MSL1: variants seen among roughly 807,000 people sequenced by gnomAD.
MSL1 encodes the protein male-specific lethal 1 homolog.
In MSL1, 21 loss-of-function variants were observed where a neutral mutation model predicts 64.6. That is an observed-to-expected ratio of 0.33 (90% CI 0.23 to 0.47). MSL1 has a LOEUF of 0.47. Among genes scored for constraint, MSL1 ranks in the 20% least tolerant of loss-of-function variants. The pLI, the probability that MSL1 is intolerant of heterozygous loss-of-function variation, is 1.00. For synonymous variants in MSL1, 339 were observed against 329.6 expected (o/e 1.03, Z -0.31); for missense variants, 664 against 793.2 (o/e 0.84, Z 1.96).
chr17:40,133,935 C>G (rs759307442), intron 8 of MSL1, 36 bp downstream of exon 8: 7 of 1,552,524 alleles, frequency 4.5e-6, no homozygotes, highest in Non-Finnish European at 5.3e-6. Flanking sequence ...TTCCAGGTAA[C>G]CTGCACATCC....
intron 1 of MSL1, among the ~76,000 whole-genome samples, chr17:40,125,506 T>C (rs573880138): frequency 2.0e-5 from 3 of 152,298 alleles, no homozygotes; most frequent in African/African-American, 7.2e-5. Context: ...TTGGACAATC[T>C]CAGGGCCTCT....
intron 8 of MSL1, 35 bp downstream of exon 8, chr17:40,133,934 A>G: frequency 6.4e-7 from 1 of 1,562,016 alleles, no homozygotes. Flanking sequence ...CTTCCAGGTA[A>G]CCTGCACATC....
rs565575232 is a variant in MSL1, at chr17:40,135,203, G to A, written c.*834G>A. On this transcript the variant is annotated 3_prime_UTR_variant, in exon 9 of 9. Transcript: ENST00000398532. The stretch of plus-strand genomic sequence containing the variant: ...TCCTTCATTGGGCTTCATCCTTTTA[G>A]CAGAACTCTTGGTGGTGGGATAGAG... 1.3e-5 allele frequency: 2 copies of A among 152,320 alleles called. No homozygotes were observed. Among genetic ancestry groups the A allele is most frequent in the South Asian group, 4.2e-4 (2 of 4,804 alleles). The allele number at this position is 152,320 out of a possible 1,614,324, so 9.4% of individuals were successfully genotyped here.
At position 40,133,884 on chromosome 17, in the gene MSL1, C is replaced by G; in HGVS notation, c.1739C>G (p.Pro580Arg). 1 of 1,613,662 alleles carries G rather than the reference C, an allele frequency of 6.2e-7. No individual in the cohort carries two copies. Among genetic ancestry groups the G allele is most frequent in the Non-Finnish European group, 8.5e-7 (1 of 1,179,640 alleles). ...LPVVAFGRPLPKLTPQNFELP... is the reference protein window; with the variant it reads ...LPVVAFGRPLRKLTPQNFELP... ...GTTGTAGCATTTGGACGACCATTAC[C>G]AAAATTAACTCCACAGTAAGTATAC... The change falls in exon 8 of 9, where the codon CCA becomes CGA. Residue 580 changes from proline (P) to arginine (R), a missense_variant. By Grantham distance (103) the Pro-to-Arg change is moderately radical. Around this residue, in one of 4 missense-constraint regions of MSL1, gnomAD observed 76 missense variants for 98.5 expected, o/e 0.77. Transcript: ENST00000398532.
At position 40,122,048 on chromosome 17, in the gene MSL1, C is replaced by G. The variant is rs1988179994; in HGVS notation, c.-565C>G. ...GTTTTTTTAAAGGGAAACGCTGAGG[C>G]GCCGGGGGTGACTGTGGGGGAGGGG... On this transcript the variant is annotated 5_prime_UTR_variant, in exon 1 of 9. Coordinates refer to ENST00000398532, the MANE Select transcript of MSL1 (RefSeq NM_001365919.1). The surrounding 1 kb of genome is among the most constrained non-coding windows in gnomAD (Gnocchi z 4.2). Among the ~76,000 whole-genome samples the G allele has an allele frequency of 6.6e-6, 1 of 151,422 alleles. No homozygotes were observed. The highest frequency in any genetic ancestry group is 2.4e-5 in the African/African-American group (1 of 41,198).
Position 40,123,072 on chromosome 17 carries a change from G to A in MSL1, c.460G>A (p.Gly154Arg), listed in dbSNP as rs549241266. 3 of 1,531,206 alleles carry A rather than the reference G, an allele frequency of 2.0e-6. No individual in the cohort carries two copies. Among genetic ancestry groups the A allele is most frequent in the Middle Eastern group, 1.8e-4 (1 of 5,664 alleles). 94.9% of individuals were successfully genotyped at this position (1,531,206 alleles called of 1,614,324 possible). ...GGCCAAAGAGCCTACGCCCTGGGCT[G>A]GGGACAAGGGTGGGGCGGCCTCCCC... The part of the protein sequence containing the change: ...AAAKEPTPWA[G>R]DKGGAASPAA... Residue 154 changes from glycine (G) to arginine (R), a missense_variant, in exon 1 of 9, where the codon GGG (glycine) becomes AGG (arginine). Physicochemically the swap from Gly to Arg is moderately radical, Grantham distance 125 (BLOSUM62 -2). Coordinates refer to ENST00000398532, the MANE Select transcript of MSL1 (RefSeq NM_001365919.1).
intron 8 of MSL1, 60 bp downstream of exon 8, chr17:40,133,959 T>C (rs1474577044): frequency 2.0e-6 from 3 of 1,465,904 alleles, no homozygotes; most frequent in Admixed American, 3.4e-5. Context: ...TCAGACTTCA[T>C]GGAAGCCTAG....
At position 40,133,630 on chromosome 17, in the gene MSL1, T is replaced by C; in HGVS notation, c.1653T>C (p.Val551=). 6.2e-7 allele frequency: 1 copy of C among 1,613,786 alleles called. No individual in the cohort carries two copies. Among genetic ancestry groups the C allele is most frequent in the Non-Finnish European group, 8.5e-7 (1 of 1,179,790 alleles). ...GAATTCAGGAATCTGAGCCTGAGGTTACCTCATTTTTCCCTGAGCCAGATG... is the reference window on the plus strand; with the variant it reads ...GAATTCAGGAATCTGAGCCTGAGGTCACCTCATTTTTCCCTGAGCCAGATG... ...KKGIQESEPE[V]TSFFPEPDDV... The change falls in exon 7 of 9, where the codon GTT becomes GTC. Residue 551 remains valine (V), a synonymous_variant. Coordinates refer to ENST00000398532, the MANE Select transcript of MSL1 (RefSeq NM_001365919.1).
Position 40,129,172 on chromosome 17 carries a change from T to C in MSL1, c.993-73T>C. The C allele has an allele frequency of 2.3e-6, 3 of 1,284,548 alleles. No homozygotes were observed. In the South Asian group the frequency reaches 4.6e-5, roughly 20 times the overall value. 79.6% of individuals were successfully genotyped at this position (1,284,548 alleles called of 1,614,324 possible). Reference sequence around the variant, plus strand: ...CAAAAGAACCAGCTTATTCTTTTGCTCCAGAATGTGTTCAAATTAGATTTT... The same window carrying C: ...CAAAAGAACCAGCTTATTCTTTTGCCCCAGAATGTGTTCAAATTAGATTTT... On this transcript the variant is annotated intron_variant, in intron 2 of 8. Coordinates refer to ENST00000398532, the MANE Select transcript of MSL1 (RefSeq NM_001365919.1).
chr17:40,126,797 A>C, intron 2 of MSL1: 2 of 162,040 alleles, frequency 1.2e-5, no homozygotes, highest in Admixed American at 1.2e-4. Flanking sequence ...ACAGAGCGAG[A>C]CTCCGTCAAA....
In MSL1 at chr17:40,131,411, A is replaced by G. The variant is rs1308264465; in HGVS notation, c.1376-126A>G. 1.0e-5 allele frequency: 8 copies of G among 790,086 alleles called. No individual in the cohort carries two copies. Among genetic ancestry groups the G allele is most frequent in the Admixed American group, 2.3e-5 (1 of 42,944 alleles). The allele number at this position is 790,086 out of a possible 1,614,324, so 48.9% of individuals were successfully genotyped here. On this transcript the variant is annotated intron_variant, in intron 3 of 8. Transcript: ENST00000398532. The surrounding 1 kb of genome is among the most constrained non-coding windows in gnomAD (Gnocchi z 4.5). ...CCCCTCCCCCAGAGAGAAATTCTCA[A>G]AAGAACAACTCAAAAAACAAAATGG... is the stretch of plus-strand genomic sequence containing the variant.
rs968272273 is a variant in MSL1, at chr17:40,122,980, C to G, written c.368C>G (p.Ala123Gly). 38 of 1,527,686 alleles carry G rather than the reference C, an allele frequency of 2.5e-5. No homozygotes were observed. Among genetic ancestry groups the G allele is most frequent in the Non-Finnish European group, 2.9e-5 (33 of 1,144,022 alleles). The allele number at this position is 1,527,686 out of a possible 1,614,324, so 94.6% of individuals were successfully genotyped here. The change falls in exon 1 of 9, where the codon GCC (alanine) becomes GGC (glycine). Residue 123 changes from alanine to glycine, a missense_variant. By Grantham distance (60) the Ala-to-Gly change is moderately conservative (BLOSUM62 0). Around this residue, in one of 4 missense-constraint regions of MSL1, gnomAD observed 466 missense variants for 499.0 expected, o/e 0.93. Coordinates refer to ENST00000398532, the MANE Select transcript of MSL1 (RefSeq NM_001365919.1). This position sits in a 1 kb window ranked among gnomAD's most constrained non-coding sequence, Gnocchi z 4.2. The stretch of plus-strand genomic sequence containing the variant: ...GGGGGGGAGCCTGCCGCAGCCGGAG[C>G]CGGCTGCAGCCCCCGGCCCAAGTAT... Reference protein sequence around the residue: ...GIGGEPAAAGAGCSPRPKYQA... With the variant: ...GIGGEPAAAGGGCSPRPKYQA...
intron 5 of MSL1, 40 bp from the exon 6 acceptor site, chr17:40,133,002 A>G: frequency 1.3e-6 from 2 of 1,568,344 alleles, no homozygotes; most frequent in South Asian, 2.3e-5. Flanking sequence ...TAACTAATAT[A>G]TGGTGATAAA....
At position 40,122,531 on chromosome 17, in the gene MSL1, C is replaced by G. The variant is rs892853453; in HGVS notation, c.-82C>G. ...GCGAGCCCGCCAAACTCCCCTCCCCCCCCTCAGTCCTCGACCCCCCGCACC... is the reference window on the plus strand; with the variant it reads ...GCGAGCCCGCCAAACTCCCCTCCCCGCCCTCAGTCCTCGACCCCCCGCACC... On this transcript the variant is annotated 5_prime_UTR_variant, in exon 1 of 9. Transcript: ENST00000398532. This position sits in a 1 kb window ranked among gnomAD's most constrained non-coding sequence, Gnocchi z 4.2. 6.5e-5 allele frequency: 57 copies of G among 875,174 alleles called. No homozygotes were observed. Among genetic ancestry groups the G allele is most frequent in the South Asian group, 5.3e-4 (21 of 39,560 alleles). The allele number at this position is 875,174 out of a possible 1,614,324, so 54.2% of individuals were successfully genotyped here.
In MSL1 at chr17:40,122,954, TG is replaced by T; in HGVS notation, c.349del (p.Glu117SerfsTer86). 5.2e-6 allele frequency: 8 copies of T among 1,524,690 alleles called. No individual in the cohort carries two copies. The East Asian group carries it at 1.0e-4, about 19-fold the overall frequency. The allele number at this position is 1,524,690 out of a possible 1,614,324, so 94.4% of individuals were successfully genotyped here. A position where few individuals can be genotyped will look rare whatever the true frequency, so the allele number is the denominator to read the frequency against. ...PPPATKQAGIGGEPAAAGAGC... is the reference protein window; with the variant it reads ...PPPATKQAGIXGEPAAAGAGC... Reference sequence around the variant, plus strand: ...CCCCGGCCACCAAGCAAGCCGGCATTGGGGGGGAGCCTGCCGCAGCCGGAGC... The same window carrying T: ...CCCCGGCCACCAAGCAAGCCGGCATTGGGGGGAGCCTGCCGCAGCCGGAGC... On this transcript the variant is annotated frameshift_variant, in exon 1 of 9. Transcript: ENST00000398532. LOFTEE classifies it high-confidence loss of function. The surrounding 1 kb of genome is among the most constrained non-coding windows in gnomAD (Gnocchi z 4.2).
chr17:40,132,134 G>C lies in MSL1; in HGVS notation c.1488+36G>C, dbSNP rs941706751. ...AAGAGCACTCAATTGAAGAGAGTAA[G>C]AGATTAAATAGAATGTGAGGGTATA... On this transcript the variant is annotated intron_variant, in intron 5 of 8. Transcript: ENST00000398532. The C allele has an allele frequency of 2.1e-5, 31 of 1,442,516 alleles. 1 individual carries two copies. The highest frequency in any genetic ancestry group is 2.3e-5 in the East Asian group (1 of 43,166). The allele number at this position is 1,442,516 out of a possible 1,614,324, so 89.4% of individuals were successfully genotyped here.
chr17:40,129,686 G>A, intron 3 of MSL1, 59 bp downstream of exon 3: 1 of 1,465,738 alleles, frequency 6.8e-7, no homozygotes. Flanking sequence ...GCTAACAAGT[G>A]TGAAAATGCC....
intron 5 of MSL1, among the ~76,000 whole-genome samples, chr17:40,132,673 A>T (rs115593664): frequency 0.015 from 2,293 of 152,244 alleles, 77 homozygotes; most frequent in African/African-American, 0.052. Context: ...CTCAACCATA[A>T]AATTACATAT....
At chr17:40,130,466 A>G (rs1988417774) in intron 3 of MSL1, among the ~76,000 whole-genome samples, 2 of 151,834 alleles carry the variant, frequency 1.3e-5, no homozygotes, top group African/African-American at 4.8e-5. Context: ...ATCATGTAAT[A>G]TTAGTCTATG....
Sources: allele counts gnomAD v4.1 joint callset (sites outside exome capture counted in the v4.1 genomes callset), GRCh38; gene constraint gnomAD v4.1.1; regional missense constraint gnomAD v4.1.1; non-coding constraint Gnocchi (gnomAD v3.1); transcripts MANE v1.5; gene names NCBI Gene and HGNC (gene_info 2026-07-23, HGNC 2026-07-21).